The following LRCH3 variants were observed in gnomAD, a reference collection of about 807,000 sequenced individuals.
LRCH3 encodes DISP complex protein LRCH3.
Under a neutral mutation model 104.5 loss-of-function variants are expected in LRCH3, and 68 were observed. The ratio of observed to expected loss-of-function variants is 0.65; its 90% CI spans 0.54 to 0.80. The LOEUF is 0.80. Ranked by LOEUF, LRCH3 falls within the 30% of genes least tolerant of loss-of-function variation. The pLI is 0.00. For synonymous variants in LRCH3, 344 were observed against 361.3 expected (o/e 0.95, Z 0.54); for missense variants, 951 against 953.9 (o/e 1.00, Z 0.04).
At chr3:197,867,164 C>CTACTCA (rs1741584248) in intron 17 of LRCH3, among the ~76,000 whole-genome samples, 1 of 152,164 alleles carries the variant, frequency 6.6e-6, no homozygotes, top group African/African-American at 2.4e-5. Flanking sequence ...GTAATTCCTG[C>CTACTCA]TACTCAGGAG....
At chr3:197,868,022 TCAAAAAAA>T (rs2109504525) in intron 17 of LRCH3, among the ~76,000 whole-genome samples, 1 of 151,922 alleles carries the variant, frequency 6.6e-6, no homozygotes, top group East Asian at 1.9e-4. Flanking sequence ...AAACCCTGTC[TCAAAAAAA>T]CAAAAAAAAC....
chr3:197,867,637 A>G (rs1711513038), intron 17 of LRCH3, among the ~76,000 whole-genome samples: 1 of 150,784 alleles, frequency 6.6e-6, no homozygotes, highest in African/African-American at 2.4e-5. Flanking sequence ...GCAGATCACG[A>G]GGTCAGGAGA....
At chr3:197,814,848 A>T (rs1733624128) in intron 1 of LRCH3, 60 bp from the exon 2 acceptor site, 1 of 1,393,638 alleles carries the variant, frequency 7.2e-7, no homozygotes, top group South Asian at 1.4e-5. Context: ...GAAAATCAAA[A>T]GATTTCAATA....
At chr3:197,803,529 G>A (rs970397916) in intron 1 of LRCH3, among the ~76,000 whole-genome samples, 1 of 152,146 alleles carries the variant, frequency 6.6e-6, no homozygotes, top group African/African-American at 2.4e-5. Context: ...GCCAGGTGTG[G>A]TGATTTGCGC....
intron 1 of LRCH3, among the ~76,000 whole-genome samples, chr3:197,814,141 G>T (rs867651009): frequency 6.6e-6 from 1 of 152,190 alleles, no homozygotes; most frequent in East Asian, 1.9e-4. Flanking sequence ...GGAACAAAAG[G>T]AGGTTTAATG....
intron 15 of LRCH3, among the ~76,000 whole-genome samples, chr3:197,864,065 G>A (rs1741178985): frequency 6.6e-6 from 1 of 152,196 alleles, no homozygotes; most frequent in Non-Finnish European, 1.5e-5. Flanking sequence ...CAGCACTTTG[G>A]GAGGTCGAGG....
At chr3:197,824,983 C>T (rs1054510101) in intron 4 of LRCH3, among the ~76,000 whole-genome samples, 2 of 152,204 alleles carry the variant, frequency 1.3e-5, no homozygotes, top group African/African-American at 2.4e-5. Flanking sequence ...CCCAAGAACA[C>T]GTCATGGGAG....
chr3:197,843,542 G>T (rs962156166), intron 10 of LRCH3, among the ~76,000 whole-genome samples: 2 of 152,156 alleles, frequency 1.3e-5, no homozygotes, highest in African/African-American at 4.8e-5. Flanking sequence ...AAATTAGTTG[G>T]GCGTGGTGGC....
chr3:197,795,938 G>A (rs1239104153), intron 1 of LRCH3, among the ~76,000 whole-genome samples: 32 of 151,970 alleles, frequency 2.1e-4, no homozygotes, highest in African/African-American at 7.2e-4. Context: ...TGATCCGCCC[G>A]CCTTGGCTTC....
intron 1 of LRCH3, among the ~76,000 whole-genome samples, chr3:197,795,946 T>C (rs9828814): frequency 0.045 from 6,913 of 152,012 alleles, 294 homozygotes; most frequent in African/African-American, 0.11. Flanking sequence ...CCGCCTTGGC[T>C]TCTCAAAGTG....
At chr3:197,837,304 T>C (rs1736957956) in intron 9 of LRCH3, among the ~76,000 whole-genome samples, 1 of 152,216 alleles carries the variant, frequency 6.6e-6, no homozygotes, top group Non-Finnish European at 1.5e-5. Context: ...AAATGGAGTA[T>C]CTCTACTAAA....
chr3:197,874,397 T>C (rs953043762), intron 19 of LRCH3, among the ~76,000 whole-genome samples: 2 of 152,220 alleles, frequency 1.3e-5, no homozygotes, highest in African/African-American at 4.8e-5. Context: ...TATGAGAATC[T>C]AATGCCTGAT....
intron 9 of LRCH3, among the ~76,000 whole-genome samples, chr3:197,837,305 C>G (rs1461073446): frequency 6.6e-6 from 1 of 152,088 alleles, no homozygotes; most frequent in Admixed American, 6.5e-5. Flanking sequence ...AATGGAGTAT[C>G]TCTACTAAAA....
Position 197,883,530 on chromosome 3 carries a change from G to T in LRCH3, c.2209-11G>T. 1.3e-6 allele frequency: 2 copies of T among 1,531,586 alleles called. No individual in the cohort carries two copies. The highest frequency in any genetic ancestry group is 8.7e-7 in the Non-Finnish European group (1 of 1,144,972). The allele number at this position is 1,531,586 out of a possible 1,614,324, so 94.9% of individuals were successfully genotyped here. On this transcript the variant is annotated splice_polypyrimidine_tract_variant and intron_variant, in intron 20 of 20. Transcript: ENST00000425562. The surrounding 1 kb of genome is among the most constrained non-coding windows in gnomAD (Gnocchi z 4.2). ...TTTTTGTTTGTTTTCATGTTACGTT[G>T]TCCCTTTCAGGAGCAATTATGTTTG...
At chr3:197,868,287 C>T (rs181182042) in intron 17 of LRCH3, among the ~76,000 whole-genome samples, 1 of 151,980 alleles carries the variant, frequency 6.6e-6, no homozygotes, top group East Asian at 1.9e-4. Context: ...AGTATAGTAA[C>T]AATTTATATA....
At position 197,839,342 on chromosome 3, in the gene LRCH3, G is replaced by A; in HGVS notation, c.1273G>A (p.Ala425Thr). The change falls in exon 10 of 21, where the codon GCC (alanine) becomes ACC (threonine). Residue 425 changes from alanine to threonine, a missense_variant. Coordinates refer to ENST00000425562, the MANE Select transcript of LRCH3 (RefSeq NM_001365715.1). ...CTAGGGTTCACCAGTAAAGCCAGTA[G>A]CCATTAGGGAGTTTCAAAAAACAGA... is the stretch of plus-strand genomic sequence containing the variant. The part of the protein sequence containing the change: ...SHEGSPVKPV[A>T]IREFQKTEDM... 6.3e-7 allele frequency: 1 copy of A among 1,596,106 alleles called. No homozygotes were observed. Among genetic ancestry groups the A allele is most frequent in the Non-Finnish European group, 8.5e-7 (1 of 1,174,660 alleles).
At chr3:197,836,558 G>A (rs1161833218) in intron 9 of LRCH3, among the ~76,000 whole-genome samples, 1 of 152,180 alleles carries the variant, frequency 6.6e-6, no homozygotes, top group Non-Finnish European at 1.5e-5. Flanking sequence ...CCCTTTTAGA[G>A]AATGATGTAT....
At chr3:197,815,338 C>T (rs1438848508) in intron 2 of LRCH3, among the ~76,000 whole-genome samples, 1 of 152,144 alleles carries the variant, frequency 6.6e-6, no homozygotes, top group African/African-American at 2.4e-5. Flanking sequence ...ACATTATAGC[C>T]TAGCCTAGCC....
chr3:197,829,659 G>C lies in LRCH3; in HGVS notation c.873G>C (p.Leu291Phe), dbSNP rs200871807. 4.3e-6 allele frequency: 7 copies of C among 1,611,074 alleles called. No homozygotes were observed. The highest frequency in any genetic ancestry group is 5.9e-6 in the Non-Finnish European group (7 of 1,178,564). Reference protein sequence around the residue: ...PDLPDYDRRPLGFGSCHEELY... With the variant: ...PDLPDYDRRPFGFGSCHEELY... ...TGCCGGATTATGATAGGAGACCGTTGGGTTTTGGCTCCTGGTAAGTATATT... is the reference window on the plus strand; with the variant it reads ...TGCCGGATTATGATAGGAGACCGTTCGGTTTTGGCTCCTGGTAAGTATATT... Residue 291 changes from leucine to phenylalanine, a missense_variant, in exon 6 of 21, where the codon TTG (leucine) becomes TTC (phenylalanine). Physicochemically the swap from Leu to Phe is conservative, Grantham distance 22. Coordinates refer to ENST00000425562, the MANE Select transcript of LRCH3 (RefSeq NM_001365715.1).
Sources: gnomAD v4.1 joint callset for allele counts (sites outside exome capture counted in the v4.1 genomes callset) on GRCh38, gnomAD v4.1.1 for gene constraint, Gnocchi (gnomAD v3.1) non-coding constraint, MANE v1.5 for transcripts, NCBI Gene and HGNC (gene_info 2026-07-23, HGNC 2026-07-21) for gene names.